MAN2B1: variants seen among roughly 807,000 people sequenced by gnomAD.
MAN2B1 encodes the protein lysosomal alpha-mannosidase.
Under a neutral mutation model 127.5 loss-of-function variants are expected in MAN2B1, and 99 were observed. The ratio of observed to expected loss-of-function variants is 0.78; its 90% confidence interval spans 0.66 to 0.92. The LOEUF (loss-of-function observed/expected upper bound fraction) is 0.92. Ranked by LOEUF, MAN2B1 falls within the 40% of genes least tolerant of loss-of-function variation. MAN2B1 has a pLI of 0.00. For missense variants in MAN2B1, 1,304 were observed against 1,384.8 expected, an observed-to-expected ratio of 0.94 and a Z score of 0.93; for synonymous variants, 573 against 568.8, an observed-to-expected ratio of 1.01 and a Z score of -0.11.
chr19:12,658,005 TA>T (rs1474183682), intron 10 of MAN2B1, 57 bp downstream of exon 10: 1 of 1,148,390 alleles, frequency 8.7e-7, no homozygotes, highest in Admixed American at 1.8e-5. Flanking sequence ...GGGGGCGGCC[TA>T]GGGGTGGTTT....
At chr19:12,665,868 T>A in intron 1 of MAN2B1, 63 bp from the exon 2 acceptor site, 1 of 1,317,112 alleles carries the variant, frequency 7.6e-7, no homozygotes, top group Non-Finnish European at 1.1e-6. Flanking sequence ...GGCTGCAGAG[T>A]AAGTCTTGAT....
At chr19:12,648,732 C>T (rs940775168) in intron 20 of MAN2B1, among the ~76,000 whole-genome samples, 10 of 151,992 alleles carry the variant, frequency 6.6e-5, no homozygotes, top group Admixed American at 5.9e-4. Context: ...CGGTGGTTCA[C>T]GCCTGTAATC....
chr19:12,656,229 C>T (rs2023952956), intron 13 of MAN2B1: 1 of 426,840 alleles, frequency 2.3e-6, no homozygotes, highest in Non-Finnish European at 4.3e-6. Flanking sequence ...CCTGGGGAAG[C>T]GGGGTATTAA....
rs74180093 is a variant in MAN2B1, at chr19:12,653,144, G to GT, written c.1831-685dup. 4.1e-3 allele frequency among the ~76,000 whole-genome samples: 472 copies of GT among 115,332 alleles called. 11 individuals are homozygous for GT. The highest frequency in any genetic ancestry group is 0.028 in the Admixed American group (325 of 11,450). 75.7% of individuals were successfully genotyped at this position (115,332 alleles called of 152,430 possible). A position where few individuals can be genotyped will look rare whatever the true frequency, so the allele number is the denominator to read the frequency against. On this transcript the variant is annotated intron_variant, in intron 14 of 23. Coordinates refer to ENST00000456935, the MANE Select transcript of MAN2B1 (RefSeq NM_000528.4). The stretch of plus-strand genomic sequence containing the variant: ...CCACTGCACCTGGCCTGGGTTTTTT[G>GT]TTTTTTTTTTTTTTTTGAGACTGAG...
At position 12,656,995 on chromosome 19, in the gene MAN2B1, T is replaced by C. The variant is rs2023978306; in HGVS notation, c.1481A>G (p.Gln494Arg). ...RGFKDHFTFCQQLNISICPLS... is the reference protein window; with the variant it reads ...RGFKDHFTFCRQLNISICPLS... ...CGGGCAGATGCTGATGTTTAGCTGT[T>C]GGCAAAAGGTGAAGTGATCTTTGAA... Residue 494 changes from glutamine (Q) to arginine (R), a missense_variant, in exon 12 of 24, where the codon CAA (glutamine) becomes CGA (arginine). Physicochemically the swap from Gln to Arg is conservative, Grantham distance 43 (BLOSUM62 1). Coordinates refer to ENST00000456935, the MANE Select transcript of MAN2B1 (RefSeq NM_000528.4). 6.2e-7 allele frequency: 1 copy of C among 1,613,596 alleles called. No homozygotes were observed. The highest frequency in any genetic ancestry group is 1.7e-5 in the Admixed American group (1 of 60,002).
chr19:12,661,060 T>C lies in MAN2B1; in HGVS notation c.1026+200A>G, dbSNP rs182157886. 341 of 526,130 alleles carry C rather than the reference T, an allele frequency of 6.5e-4. 5 individuals carry two copies. The Admixed American group carries it at 8.4e-3, about 13-fold the overall frequency. 32.6% of individuals were successfully genotyped at this position (526,130 alleles called of 1,614,324 possible). A position where few individuals can be genotyped will look rare whatever the true frequency, so the allele number is the denominator to read the frequency against. Reference sequence around the variant, plus strand: ...GCATGAGCCATTGCGCCCGGCCTCATGCTGGACTTCTTACCTACAGAACTG... The same window carrying C: ...GCATGAGCCATTGCGCCCGGCCTCACGCTGGACTTCTTACCTACAGAACTG... On this transcript the variant is annotated intron_variant, in intron 7 of 23. Transcript: ENST00000456935.
At chr19:12,665,935 C>T (rs2024224502) in intron 1 of MAN2B1, 130 bp from the exon 2 acceptor site, 2 of 730,798 alleles carry the variant, frequency 2.7e-6, no homozygotes, top group Non-Finnish European at 4.9e-6. Flanking sequence ...GGAGGCCAGG[C>T]CCTCCCAGGC....
At chr19:12,663,882 C>T in intron 4 of MAN2B1, 47 bp from the exon 5 acceptor site, 1 of 1,613,164 alleles carries the variant, frequency 6.2e-7, no homozygotes, top group Admixed American at 1.7e-5. Flanking sequence ...GCCCAGCCCT[C>T]TCACCACCAA....
rs2024252818 is a variant in MAN2B1 at position 12,666,616 on chromosome 19, C to A, written c.86G>T (p.Arg29Leu). ...AGPWTMSRALRPPLPPLCFFL... is the reference protein window; with the variant it reads ...AGPWTMSRALLPPLPPLCFFL... ...AAAGCAGAGAGGCGGGAGCGGTGGC[C>A]GCAGGGCGCGGGACATGGTCCAGGG... The change falls in exon 1 of 24, where the codon CGG (arginine) becomes CTG (leucine). Residue 29 changes from arginine to leucine, a missense_variant. Coordinates refer to ENST00000456935, the MANE Select transcript of MAN2B1 (RefSeq NM_000528.4). 6.4e-7 allele frequency: 1 copy of A among 1,558,120 alleles called. No homozygotes were observed. Among genetic ancestry groups the A allele is most frequent in the Admixed American group, 1.9e-5 (1 of 51,530 alleles).
rs1423453621 is a variant in MAN2B1, at chr19:12,657,123, G to A, written c.1420-67C>T. ...GGCCTGACTCCTCCCCTCTCCTCAG[G>A]CCCCGCCCCGTTCCGGTCTCTGTCC... On this transcript the variant is annotated intron_variant, in intron 11 of 23. Coordinates refer to ENST00000456935, the MANE Select transcript of MAN2B1 (RefSeq NM_000528.4). 3.2e-6 allele frequency: 3 copies of A among 948,008 alleles called. No individual in the cohort carries two copies. The Admixed American group carries it at 5.9e-5, about 19-fold the overall frequency. The allele number at this position is 948,008 out of a possible 1,614,324, so 58.7% of individuals were successfully genotyped here.
At chr19:12,649,309 A>T (rs753560998) in intron 19 of MAN2B1, 32 bp downstream of exon 19, 17 of 1,603,918 alleles carry the variant, frequency 1.1e-5, no homozygotes, top group Non-Finnish European at 1.5e-5. Flanking sequence ...CTTTCTATCG[A>T]GGTGGGGAGG....
At chr19:12,666,183 G>A (rs2024232794) in intron 1 of MAN2B1, among the ~76,000 whole-genome samples, 1 of 152,064 alleles carries the variant, frequency 6.6e-6, no homozygotes, top group Admixed American at 6.6e-5. Context: ...CACTCAGGAA[G>A]TGTAAGAGCT....
chr19:12,656,117 G>T, intron 13 of MAN2B1: 2 of 464,182 alleles, frequency 4.3e-6, no homozygotes, highest in Non-Finnish European at 3.8e-6. Flanking sequence ...GAAGGAGGAA[G>T]TAGGGGAAGA....
At chr19:12,663,015 C>G (rs529594547) in intron 6 of MAN2B1, among the ~76,000 whole-genome samples, 1 of 151,286 alleles carries the variant, frequency 6.6e-6, no homozygotes, top group African/African-American at 2.4e-5. Flanking sequence ...CCTGTAATCC[C>G]GGCACTTTGG....
intron 11 of MAN2B1, 72 bp from the exon 12 acceptor site, chr19:12,657,128 G>T (rs2023982691): frequency 3.3e-6 from 3 of 915,198 alleles, no homozygotes; most frequent in South Asian, 1.4e-5. Context: ...CTCAGGCCCC[G>T]CCCCGTTCCG....
At chr19:12,654,099 G>A (rs1472917846) in intron 14 of MAN2B1, among the ~76,000 whole-genome samples, 3 of 148,124 alleles carry the variant, frequency 2.0e-5, no homozygotes, top group Non-Finnish European at 4.4e-5. Context: ...CTGGAATGCA[G>A]TGGCGCCATC....
Position 12,658,418 on chromosome 19 carries a change from C to T in MAN2B1, c.1109+10G>A, listed in dbSNP as rs779635675. 8 of 1,614,120 alleles carry T rather than the reference C, an allele frequency of 5.0e-6. No homozygotes were observed. The African/African-American group carries it at 9.3e-5, about 19-fold the overall frequency. Reference sequence around the variant, plus strand: ...CCAACCCCCCCAAGCTCCCCAGTTTCCCCAAATACCAGGTGAGGTTGGCCT... The same window carrying T: ...CCAACCCCCCCAAGCTCCCCAGTTTTCCCAAATACCAGGTGAGGTTGGCCT... On this transcript the variant is annotated intron_variant, in intron 8 of 23. Transcript: ENST00000456935.
chr19:12,663,187 C>T, intron 6 of MAN2B1, 130 bp downstream of exon 6: 1 of 1,142,630 alleles, frequency 8.8e-7, no homozygotes. Flanking sequence ...GCACTCCAGC[C>T]TGGGTGACAG....
At chr19:12,665,962 T>C in intron 1 of MAN2B1, 157 bp from the exon 2 acceptor site, 1 of 694,326 alleles carries the variant, frequency 1.4e-6, no homozygotes, top group East Asian at 2.7e-5. Flanking sequence ...CACACATACA[T>C]AGTTGTGCTC....
Sources: gnomAD v4.1 joint callset for allele counts (sites outside exome capture counted in the v4.1 genomes callset) on GRCh38, gnomAD v4.1.1 for gene constraint, MANE v1.5 for transcripts, NCBI Gene and HGNC (gene_info 2026-07-23, HGNC 2026-07-21) for gene names.